The following BNC2 variants were observed in gnomAD, a reference collection of about 807,000 sequenced individuals.
The protein encoded by BNC2 is basonuclin zinc finger protein 2, also known as zinc finger protein basonuclin-2.
Under a neutral mutation model 76.3 loss-of-function variants are expected in BNC2, and 20 were observed. The ratio of observed to expected loss-of-function variants is 0.26; its 90% CI spans 0.18 to 0.38. The LOEUF (loss-of-function observed/expected upper bound fraction) is 0.38, where lower values mean the gene tolerates loss of function less well. Ranked by LOEUF, BNC2 falls within the 10% of genes least tolerant of loss-of-function variation. BNC2 has a pLI of 1.00. For synonymous variants in BNC2, 582 were observed against 514.8 expected, an observed-to-expected ratio of 1.13 and a Z score of -1.77; for missense variants, 1,382 against 1,399.8, an observed-to-expected ratio of 0.99 and a Z score of 0.20.
chr9:16,731,180 C>G (rs142982273), intron 2 of BNC2, among the ~76,000 whole-genome samples: 3 of 152,044 alleles, frequency 2.0e-5, no homozygotes, highest in Non-Finnish European at 4.4e-5. Context: ...CATAGTCTGA[C>G]AATTATGGAA....
intron 5 of BNC2, among the ~76,000 whole-genome samples, chr9:16,456,079 C>A (rs537357373): frequency 2.6e-5 from 4 of 152,104 alleles, no homozygotes; most frequent in African/African-American, 9.6e-5. Flanking sequence ...CTCATCATAT[C>A]TATTAGAGGA....
chr9:16,774,850 G>A (rs1319444828), intron 1 of BNC2, among the ~76,000 whole-genome samples: 3 of 152,150 alleles, frequency 2.0e-5, no homozygotes, highest in Admixed American at 6.5e-5. Context: ...CTTATCTGCT[G>A]GCCTATCCCA....
intron 1 of BNC2, among the ~76,000 whole-genome samples, chr9:16,837,496 T>G (rs1389282731): frequency 6.6e-6 from 1 of 151,968 alleles, no homozygotes; most frequent in Admixed American, 6.5e-5. Context: ...AGTGCGAGAC[T>G]CCATCCCGAA....
intron 3 of BNC2, among the ~76,000 whole-genome samples, chr9:16,703,547 A>C (rs1823576187): frequency 6.6e-6 from 1 of 152,176 alleles, no homozygotes; most frequent in African/African-American, 2.4e-5. Context: ...CCAGCCCATA[A>C]ACACAGCTTG....
At chr9:16,855,077 A>T (rs935737073) in intron 1 of BNC2, among the ~76,000 whole-genome samples, 25 of 151,990 alleles carry the variant, frequency 1.6e-4, no homozygotes, top group African/African-American at 6.0e-4. Context: ...TCATTTCAAT[A>T]TGAGTACATG....
At chr9:16,563,934 T>C (rs1168797985) in intron 4 of BNC2, among the ~76,000 whole-genome samples, 1 of 152,232 alleles carries the variant, frequency 6.6e-6, no homozygotes, top group Non-Finnish European at 1.5e-5. Context: ...GCTTGGATTT[T>C]ATCACTGTGA....
At chr9:16,650,834 A>T (rs1821773871) in intron 3 of BNC2, among the ~76,000 whole-genome samples, 1 of 152,204 alleles carries the variant, frequency 6.6e-6, no homozygotes, top group African/African-American at 2.4e-5. Context: ...CTACTTTCCA[A>T]ACTTTTAGAA....
At chr9:16,720,563 C>G (rs1824126694) in intron 3 of BNC2, among the ~76,000 whole-genome samples, 2 of 152,128 alleles carry the variant, frequency 1.3e-5, no homozygotes, top group South Asian at 2.1e-4. Context: ...TCAAGAGAAT[C>G]AGTTGTTTCA....
At chr9:16,672,960 G>A (rs867789388) in intron 3 of BNC2, among the ~76,000 whole-genome samples, 1 of 152,134 alleles carries the variant, frequency 6.6e-6, no homozygotes, top group African/African-American at 2.4e-5. Flanking sequence ...TAAACAACAC[G>A]AAGCAAAAAT....
Position 16,820,456 on chromosome 9 carries a change from G to A in BNC2, c.3+50190C>T, listed in dbSNP as rs536114960. ...AAAAAAAGCAATAATAAGGCCCAGA[G>A]AAGTAAAAGGTTTTGCCAAAGGTTA... On this transcript the variant is annotated intron_variant, in intron 1 of 6. Coordinates refer to ENST00000380672, the MANE Select transcript of BNC2 (RefSeq NM_017637.6). 5.1e-4 allele frequency among the ~76,000 whole-genome samples: 78 copies of A among 151,916 alleles called. 2 individuals are homozygous for A. The highest frequency in any genetic ancestry group is 4.7e-3 in the Admixed American group (71 of 15,256).
At chr9:16,776,572 G>C (rs1175025028) in intron 1 of BNC2, among the ~76,000 whole-genome samples, 1 of 152,142 alleles carries the variant, frequency 6.6e-6, no homozygotes, top group Admixed American at 6.5e-5. Context: ...AATAACTTCA[G>C]AAATATCCCA....
intron 5 of BNC2, among the ~76,000 whole-genome samples, chr9:16,475,058 A>G (rs1482289023): frequency 1.3e-5 from 2 of 152,232 alleles, no homozygotes; most frequent in African/African-American, 2.4e-5. Flanking sequence ...CACTCTAGGT[A>G]CAACACTATT....
intron 1 of BNC2, among the ~76,000 whole-genome samples, chr9:16,778,575 C>T (rs573718703): frequency 1.3e-5 from 2 of 152,336 alleles, no homozygotes; most frequent in African/African-American, 4.8e-5. Context: ...TTCACAACAA[C>T]TTGCAAGGTA....
chr9:16,449,273 G>C (rs1467039777), intron 5 of BNC2, among the ~76,000 whole-genome samples: 1 of 152,144 alleles, frequency 6.6e-6, no homozygotes, highest in Non-Finnish European at 1.5e-5. Flanking sequence ...CGTGCCATTA[G>C]AAGCACTTTT....
intron 3 of BNC2, among the ~76,000 whole-genome samples, chr9:16,711,879 A>C (rs933733299): frequency 1.3e-5 from 2 of 152,260 alleles, no homozygotes; most frequent in Non-Finnish European, 2.9e-5. Context: ...TTTTGAGACC[A>C]AAGAAGTAGT....
At chr9:16,826,393 T>C (rs1189518751) in intron 1 of BNC2, among the ~76,000 whole-genome samples, 1 of 152,086 alleles carries the variant, frequency 6.6e-6, no homozygotes. Context: ...AAAGTCATCC[T>C]TAACACAAAC....
chr9:16,808,478 A>AC (rs1817965596), intron 1 of BNC2, among the ~76,000 whole-genome samples: 1 of 79,404 alleles, frequency 1.3e-5, no homozygotes, highest in African/African-American at 3.2e-5. Context: ...ATCTTGGGCA[A>AC]CTTTTTTTTT....
intron 3 of BNC2, among the ~76,000 whole-genome samples, chr9:16,668,204 T>C (rs1175273519): frequency 6.6e-6 from 1 of 152,152 alleles, no homozygotes; most frequent in Admixed American, 6.5e-5. Flanking sequence ...CCCAGGCTAG[T>C]CTGGAAGAGA....
chr9:16,753,709 T>C (rs979916458), intron 1 of BNC2, among the ~76,000 whole-genome samples: 1 of 152,222 alleles, frequency 6.6e-6, no homozygotes, highest in Non-Finnish European at 1.5e-5. Context: ...GCCCAGTATG[T>C]CCCTTCTCTG....
Sources: gnomAD v4.1 joint callset for allele counts (sites outside exome capture counted in the v4.1 genomes callset) on GRCh38, gnomAD v4.1.1 for gene constraint, MANE v1.5 for transcripts, NCBI Gene and HGNC (gene_info 2026-07-23, HGNC 2026-07-21) for gene names.